The following RPS6KC1 variants were observed in gnomAD, a reference collection of about 807,000 sequenced individuals.
RPS6KC1 encodes the protein ribosomal protein S6 kinase C1, also known as inactive ribosomal protein S6 kinase delta-1.
Under a neutral mutation model 103.8 loss-of-function variants are expected in RPS6KC1, and 54 were observed. That is an observed-to-expected ratio of 0.52 (90% CI 0.42 to 0.65). The LOEUF (loss-of-function observed/expected upper bound fraction) is 0.65. RPS6KC1 is among the 30% of genes least tolerant of loss of function. RPS6KC1 has a pLI of 0.00. For missense variants in RPS6KC1, 1,151 were observed against 1,253.8 expected (o/e 0.92, Z 1.24); for synonymous variants, 439 against 438.7 (o/e 1.00, Z -0.01).
chr1:213,813,276 A>G, the RPS6KC1 span, among the ~76,000 whole-genome samples: 18 of 151,856 alleles, frequency 1.2e-4, no homozygotes, highest in Non-Finnish European at 2.5e-4. Context: ...CTGGAGTGCA[A>G]TGGCATGATC....
At chr1:213,607,947 G>A in the RPS6KC1 span, among the ~76,000 whole-genome samples, 1 of 152,120 alleles carries the variant, frequency 6.6e-6, no homozygotes, top group South Asian at 2.1e-4. Flanking sequence ...CATGGATCGT[G>A]GTGGGCTTTG....
chr1:213,836,782 AT>A, the RPS6KC1 span, among the ~76,000 whole-genome samples: 2 of 152,152 alleles, frequency 1.3e-5, no homozygotes, highest in Non-Finnish European at 2.9e-5. Context: ...AAGAAATTAT[AT>A]GTGCTCAGAA....
the RPS6KC1 span, among the ~76,000 whole-genome samples, chr1:213,300,940 G>A: frequency 0.017 from 2,631 of 152,256 alleles, 31 homozygotes; most frequent in Non-Finnish European, 0.025. Context: ...GCCACAGGGA[G>A]GGTGGGGAAT....
the RPS6KC1 span, among the ~76,000 whole-genome samples, chr1:213,715,586 T>G: frequency 0.84 from 127,147 of 152,250 alleles, 53,297 homozygotes; most frequent in African/African-American, 0.91. Context: ...TCATGGTTCA[T>G]ATCTTAGCTG....
the RPS6KC1 span, among the ~76,000 whole-genome samples, chr1:213,719,857 G>A: frequency 6.6e-6 from 1 of 152,186 alleles, no homozygotes; most frequent in Non-Finnish European, 1.5e-5. Context: ...TTGGCAAGAG[G>A]AGAGTATTAG....
chr1:213,250,918 A>G (rs903764816), intron 12 of RPS6KC1, among the ~76,000 whole-genome samples: 1 of 152,166 alleles, frequency 6.6e-6, no homozygotes, highest in African/African-American at 2.4e-5. Flanking sequence ...TTTTGATAAC[A>G]TTTAAAAAAT....
chr1:213,328,801 G>T, the RPS6KC1 span, among the ~76,000 whole-genome samples: 3 of 152,066 alleles, frequency 2.0e-5, no homozygotes, highest in African/African-American at 7.2e-5. Flanking sequence ...ACAATGGCTG[G>T]AATATGGAGT....
At chr1:213,574,774 T>A in the RPS6KC1 span, among the ~76,000 whole-genome samples, 1 of 152,046 alleles carries the variant, frequency 6.6e-6, no homozygotes, top group African/African-American at 2.4e-5. Flanking sequence ...TGGCCCAGCT[T>A]GATTTGGTGT....
chr1:213,183,969 A>G (rs1199341748), intron 8 of RPS6KC1, among the ~76,000 whole-genome samples: 1 of 152,152 alleles, frequency 6.6e-6, no homozygotes, highest in Non-Finnish European at 1.5e-5. Flanking sequence ...ATAACAAGGG[A>G]ATACTACAAA....
chr1:213,482,782 C>T, the RPS6KC1 span, among the ~76,000 whole-genome samples: 9 of 151,786 alleles, frequency 5.9e-5, no homozygotes, highest in East Asian at 1.5e-3. Flanking sequence ...CTCTTGACAT[C>T]GTGATCTGCC....
At chr1:213,066,796 C>T (rs1303225317) in intron 1 of RPS6KC1, among the ~76,000 whole-genome samples, 1 of 152,162 alleles carries the variant, frequency 6.6e-6, no homozygotes, top group African/African-American at 2.4e-5. Context: ...AGAGGTCTGG[C>T]ATCTCATTGT....
At chr1:213,278,688 C>T (rs1353696540), downstream of RPS6KC1, among the ~76,000 whole-genome samples, 2 of 152,118 alleles carry the variant, frequency 1.3e-5, no homozygotes, top group Non-Finnish European at 2.9e-5. Context: ...AGATATGGCA[C>T]CTGCCTTCAA....
chr1:213,078,231 C>CTTTTTTTTTT (rs11416944), intron 3 of RPS6KC1, among the ~76,000 whole-genome samples: 2 of 128,348 alleles, frequency 1.6e-5, no homozygotes, highest in African/African-American at 3.0e-5. Flanking sequence ...CCTTAGTATT[C>CTTTTTTTTTT]TTTTTTTTTT....
rs1376872962 is a variant in RPS6KC1, at chr1:213,163,951, C to T, written c.836-3907C>T. Among the ~76,000 whole-genome samples, 4 of 152,280 alleles carry T rather than the reference C, an allele frequency of 2.6e-5. No individual in the cohort carries two copies. In the East Asian group the frequency reaches 7.7e-4, roughly 29 times the overall value. ...TGTTTCCATACTCACCTGTACTTCT[C>T]CTGTGCTCTGTATTTTTCTTGTCCT... On this transcript the variant is annotated intron_variant, in intron 6 of 14. Transcript: ENST00000366960.
chr1:213,423,967 T>C, the RPS6KC1 span, among the ~76,000 whole-genome samples: 5 of 152,256 alleles, frequency 3.3e-5, no homozygotes, highest in Non-Finnish European at 7.3e-5. Flanking sequence ...TTGCTTTTAA[T>C]TAGTGTGAGT....
the RPS6KC1 span, among the ~76,000 whole-genome samples, chr1:213,437,430 T>G: frequency 6.6e-6 from 1 of 152,098 alleles, no homozygotes; most frequent in Admixed American, 6.5e-5. Context: ...GTTAGGACTT[T>G]TGAGTTTAAA....
intron 8 of RPS6KC1, among the ~76,000 whole-genome samples, chr1:213,210,457 GA>G (rs2093472691): frequency 6.6e-6 from 1 of 152,182 alleles, no homozygotes; most frequent in African/African-American, 2.4e-5. Context: ...ATTACAAACT[GA>G]AAACCGTCCA....
the RPS6KC1 span, among the ~76,000 whole-genome samples, chr1:213,300,325 T>G: frequency 1.3e-5 from 2 of 152,192 alleles, no homozygotes; most frequent in Non-Finnish European, 2.9e-5. Flanking sequence ...GCAACCATAT[T>G]GGGTGGTGTG....
chr1:213,542,918 C>CA, the RPS6KC1 span, among the ~76,000 whole-genome samples: 1 of 152,144 alleles, frequency 6.6e-6, no homozygotes, highest in Non-Finnish European at 1.5e-5. Context: ...GAGGGCCACG[C>CA]AAACCAGCCC....
Sources: gnomAD v4.1 joint callset for allele counts (sites outside exome capture counted in the v4.1 genomes callset) on GRCh38, gnomAD v4.1.1 for gene constraint, MANE v1.5 for transcripts, NCBI Gene and HGNC (gene_info 2026-07-23, HGNC 2026-07-21) for gene names.